Variants in STAT4 observed in about 807,000 individuals in gnomAD.
STAT4 encodes signal transducer and activator of transcription 4.
In STAT4, 42 loss-of-function variants were observed where a neutral mutation model predicts 110.5. The ratio of observed to expected loss-of-function variants is 0.38; its 90% CI spans 0.30 to 0.49. STAT4 has a LOEUF of 0.49. Ranked by LOEUF, STAT4 falls within the 20% of genes least tolerant of loss-of-function variation. The pLI is 0.95. For synonymous variants in STAT4, 284 were observed against 302.2 expected, an observed-to-expected ratio of 0.94 and a Z score of 0.63; for missense variants, 632 against 887.9, an observed-to-expected ratio of 0.71 and a Z score of 3.66.
In STAT4 at chr2:191,110,539, T is replaced by C. The variant is rs1410529931; in HGVS notation, c.274-34214A>G. Among the ~76,000 whole-genome samples the C allele has an allele frequency of 2.0e-5, 3 of 152,140 alleles. No homozygotes were observed. The highest frequency in any genetic ancestry group is 2.9e-5 in the Non-Finnish European group (2 of 68,022). ...ATCCACGGGTATCTCTAACACACCA[T>C]TTGGAGCTGGGTGTCATACTAATTC... On this transcript the variant is annotated intron_variant, in intron 3 of 23. Transcript: ENST00000392320. This position sits in a 1 kb window ranked among gnomAD's most constrained non-coding sequence, Gnocchi z 4.5.
intron 3 of STAT4, among the ~76,000 whole-genome samples, chr2:191,127,617 C>A (rs1169058841): frequency 6.6e-6 from 1 of 152,154 alleles, no homozygotes; most frequent in African/African-American, 2.4e-5. Flanking sequence ...ATGTTAACAT[C>A]CATATGATGT....
At chr2:191,120,339 A>C (rs567279720) in intron 3 of STAT4, among the ~76,000 whole-genome samples, 1 of 152,338 alleles carries the variant, frequency 6.6e-6, no homozygotes, top group Admixed American at 6.5e-5. Context: ...AAAATTAGTA[A>C]AACAGAGACA....
rs1290488653 is a variant in STAT4 at position 191,150,666 on chromosome 2, G to A, written c.-2+281C>T. On this transcript the variant is annotated intron_variant, in intron 1 of 23. Coordinates refer to ENST00000392320, the MANE Select transcript of STAT4 (RefSeq NM_003151.4). This position sits in a 1 kb window ranked among gnomAD's most constrained non-coding sequence, Gnocchi z 6.4. ...AGGGGCTCACTTTCAGCCTCCGCGA[G>A]GACACACCTCCGCAGCCGCCGCAGC... Among the ~76,000 whole-genome samples, 3 of 152,214 alleles carry A rather than the reference G, an allele frequency of 2.0e-5. No individual in the cohort carries two copies. The highest frequency in any genetic ancestry group is 4.4e-5 in the Non-Finnish European group (3 of 68,036).
chr2:191,124,272 T>C (rs1201541648), intron 3 of STAT4, among the ~76,000 whole-genome samples: 1 of 151,944 alleles, frequency 6.6e-6, no homozygotes. Flanking sequence ...CTGGCCAACA[T>C]GGTGAAACCC....
chr2:191,151,049 G>A (rs1395278010), upstream of STAT4: 1 of 985,420 alleles, frequency 1.0e-6, no homozygotes, highest in African/African-American at 1.7e-5. The surrounding 1 kb of genome is among the most constrained non-coding windows in gnomAD (Gnocchi z 4.7). Flanking sequence ...CATCAGTAGG[G>A]GATTTGCATT....
At chr2:191,111,601 C>T (rs1468106713) in intron 3 of STAT4, among the ~76,000 whole-genome samples, 1 of 152,130 alleles carries the variant, frequency 6.6e-6, no homozygotes, top group Admixed American at 6.6e-5. Flanking sequence ...GCCTGTAATC[C>T]CAACACTTCG....
intron 7 of STAT4, among the ~76,000 whole-genome samples, chr2:191,065,184 G>T (rs560023061): frequency 5.0e-4 from 76 of 152,246 alleles, no homozygotes; most frequent in African/African-American, 1.8e-3. Flanking sequence ...CATTCTCATC[G>T]TGTTTCAGTA....
At position 191,091,042 on chromosome 2, in the gene STAT4, G is replaced by A. The variant is rs1241422046; in HGVS notation, c.274-14717C>T. On this transcript the variant is annotated intron_variant, in intron 3 of 23. Coordinates refer to ENST00000392320, the MANE Select transcript of STAT4 (RefSeq NM_003151.4). The surrounding 1 kb of genome is among the most constrained non-coding windows in gnomAD (Gnocchi z 5.4). ...CCTTTGTACAAAGTCAGAGGACCTG[G>A]GTTGGTGGCTCAGTAACCTTTACTC... 1.3e-5 allele frequency among the ~76,000 whole-genome samples: 2 copies of A among 152,184 alleles called. No homozygotes were observed. The highest frequency in any genetic ancestry group is 2.9e-5 in the Non-Finnish European group (2 of 68,040).
At chr2:191,119,129 T>C (rs1273728647) in intron 3 of STAT4, among the ~76,000 whole-genome samples, 1 of 152,128 alleles carries the variant, frequency 6.6e-6, no homozygotes, top group African/African-American at 2.4e-5. Context: ...ATCACAAATA[T>C]GAAAGAAATT....
chr2:191,104,670 C>T lies in STAT4; in HGVS notation c.274-28345G>A, dbSNP rs1489764589. ...ATCATTTTATAAAACATAAAACACT[C>T]CTCCCCATATGATTTGAAAGGATAT... On this transcript the variant is annotated intron_variant, in intron 3 of 23. Transcript: ENST00000392320. The surrounding 1 kb of genome is among the most constrained non-coding windows in gnomAD (Gnocchi z 4.3). 6.6e-6 allele frequency among the ~76,000 whole-genome samples: 1 copy of T among 152,196 alleles called. No homozygotes were observed. Among genetic ancestry groups the T allele is most frequent in the Admixed American group, 6.5e-5 (1 of 15,272 alleles).
At chr2:191,088,919 C>CA (rs978352776) in intron 3 of STAT4, among the ~76,000 whole-genome samples, 22 of 152,074 alleles carry the variant, frequency 1.4e-4, no homozygotes, top group African/African-American at 5.3e-4. Flanking sequence ...TCACCTCCCA[C>CA]AAAAAATAAG....
rs1028923041 is a variant in STAT4 at position 191,058,870 on chromosome 2, T to C, written c.1035-101A>G. 3.0e-6 allele frequency: 2 copies of C among 668,840 alleles called. No individual in the cohort carries two copies. Among genetic ancestry groups the C allele is most frequent in the Non-Finnish European group, 2.6e-6 (1 of 390,666 alleles). 41.4% of individuals were successfully genotyped at this position (668,840 alleles called of 1,614,324 possible). A position where few individuals can be genotyped will look rare whatever the true frequency, so the allele number is the denominator to read the frequency against. ...ATTTAAATATACTATGAAATATGCA[T>C]ATAAATAAACCTTACATTATCTACA... On this transcript the variant is annotated intron_variant, in intron 10 of 23. Coordinates refer to ENST00000392320, the MANE Select transcript of STAT4 (RefSeq NM_003151.4). This position sits in a 1 kb window ranked among gnomAD's most constrained non-coding sequence, Gnocchi z 4.3.
Position 191,066,555 on chromosome 2 carries a change from T to G in STAT4, c.545-40A>C, listed in dbSNP as rs1696991657. On this transcript the variant is annotated intron_variant, in intron 6 of 23. Coordinates refer to ENST00000392320, the MANE Select transcript of STAT4 (RefSeq NM_003151.4). The surrounding 1 kb of genome is among the most constrained non-coding windows in gnomAD (Gnocchi z 4.3). ...AGATCAGATTTAGAGTTCTCTCTAT[T>G]CCTGAAAGTCAAGTCAGCCTCAATC... The G allele has an allele frequency of 6.3e-7, 1 of 1,586,484 alleles. No homozygotes were observed.
Position 191,086,632 on chromosome 2 carries a change from T to A in STAT4, c.274-10307A>T, listed in dbSNP as rs1697643278. 7.5e-6 allele frequency among the ~76,000 whole-genome samples: 1 copy of A among 133,920 alleles called. No individual in the cohort carries two copies. The highest frequency in any genetic ancestry group is 3.8e-5 in the African/African-American group (1 of 26,520). 87.9% of individuals were successfully genotyped at this position (133,920 alleles called of 152,430 possible). On this transcript the variant is annotated intron_variant, in intron 3 of 23. Transcript: ENST00000392320. The surrounding 1 kb of genome is among the most constrained non-coding windows in gnomAD (Gnocchi z 5.5). ...AAAAGAAACTGTAGTATACTTGTTATCAGATTCTAGCCTTGTCTATTCTTT... is the reference window on the plus strand; with the variant it reads ...AAAAGAAACTGTAGTATACTTGTTAACAGATTCTAGCCTTGTCTATTCTTT...
chr2:191,061,821 G>A lies in STAT4; in HGVS notation c.942C>T (p.Asn314=). ...ATGGCTGTCGCTCAACCACAAATGA[G>A]CTAGATGAAAAGGAAATAAAGCGCA... ...VTFLIYNLFK[N]SFVVERQPCM... Residue 314 remains asparagine, a splice_region_variant and synonymous_variant, in exon 10 of 24, where the codon AAC becomes AAT. Transcript: ENST00000392320. This position sits in a 1 kb window ranked among gnomAD's most constrained non-coding sequence, Gnocchi z 6.2. 6.2e-6 allele frequency: 10 copies of A among 1,610,920 alleles called. No homozygotes were observed. The highest frequency in any genetic ancestry group is 8.5e-6 in the Non-Finnish European group (10 of 1,178,950).
chr2:191,098,720 C>A (rs1209912509), intron 3 of STAT4, among the ~76,000 whole-genome samples: 1 of 152,136 alleles, frequency 6.6e-6, no homozygotes, highest in African/African-American at 2.4e-5. Context: ...AACAAACCTG[C>A]ACGTTGTGCA....
intron 14 of STAT4, among the ~76,000 whole-genome samples, chr2:191,052,868 C>T (rs560488630): frequency 4.6e-5 from 7 of 152,138 alleles, no homozygotes; most frequent in South Asian, 2.1e-4. Context: ...TCCACTCAAT[C>T]GTTTTACTAG....
chr2:191,145,479 G>A (rs1013032924), intron 3 of STAT4, among the ~76,000 whole-genome samples: 2 of 152,086 alleles, frequency 1.3e-5, no homozygotes, highest in African/African-American at 4.8e-5. Flanking sequence ...AGCTAATAAA[G>A]CCACCATTAA....
intron 3 of STAT4, among the ~76,000 whole-genome samples, chr2:191,094,030 G>A (rs766005498): frequency 6.6e-6 from 1 of 152,094 alleles, no homozygotes; most frequent in African/African-American, 2.4e-5. Context: ...AAGAAGAGAA[G>A]TTTAGAGAAA....
Sources: gnomAD v4.1 joint callset for allele counts (sites outside exome capture counted in the v4.1 genomes callset) on GRCh38, gnomAD v4.1.1 for gene constraint, Gnocchi (gnomAD v3.1) non-coding constraint, MANE v1.5 for transcripts, NCBI Gene and HGNC (gene_info 2026-07-23, HGNC 2026-07-21) for gene names.